The following RAD51B variants were observed in gnomAD, a reference collection of about 807,000 sequenced individuals.
The protein encoded by RAD51B is DNA repair protein RAD51 homolog 2.
RAD51B carries 38 observed loss-of-function variants against 42.2 expected under a neutral mutation model. The ratio of observed to expected loss-of-function variants is 0.90; its 90% CI spans 0.70 to 1.18. RAD51B has a LOEUF of 1.18. RAD51B is among the 50% of genes most tolerant of loss of function. The pLI is 0.00. For synonymous variants in RAD51B, 154 were observed against 145.2 expected, an observed-to-expected ratio of 1.06 and a Z score of -0.43; for missense variants, 373 against 400.7, an observed-to-expected ratio of 0.93 and a Z score of 0.59.
intron 8 of RAD51B, among the ~76,000 whole-genome samples, chr14:68,353,316 T>G (rs571810897): frequency 6.6e-6 from 1 of 152,334 alleles, no homozygotes; most frequent in South Asian, 2.1e-4. Flanking sequence ...AATAGTGGAT[T>G]TACAAAAGAC....
intron 8 of RAD51B, among the ~76,000 whole-genome samples, chr14:68,300,789 C>T (rs1294374148): frequency 1.3e-5 from 2 of 152,148 alleles, no homozygotes; most frequent in Non-Finnish European, 2.9e-5. Flanking sequence ...GTATAAGTTA[C>T]CTCATATTCA....
At chr14:68,562,956 T>C in intron 10 of RAD51B, 1 of 985,332 alleles carries the variant, frequency 1.0e-6, no homozygotes, top group Non-Finnish European at 1.2e-6. Flanking sequence ...AAGGAAGCAA[T>C]AGTGTGCTCC....
At chr14:68,271,733 G>C (rs563157949) in intron 7 of RAD51B, among the ~76,000 whole-genome samples, 1 of 152,306 alleles carries the variant, frequency 6.6e-6, no homozygotes, top group African/African-American at 2.4e-5. Flanking sequence ...TAATCTCTGC[G>C]TAGTGCTTAG....
At chr14:68,164,287 C>T (rs1023776102) in intron 7 of RAD51B, among the ~76,000 whole-genome samples, 6 of 152,108 alleles carry the variant, frequency 3.9e-5, no homozygotes, top group Admixed American at 3.9e-4. Flanking sequence ...AGACTATCAC[C>T]TGGTAATGAA....
chr14:68,040,043 G>C (rs1374103605), intron 7 of RAD51B, among the ~76,000 whole-genome samples: 2 of 152,184 alleles, frequency 1.3e-5, no homozygotes, highest in Non-Finnish European at 2.9e-5. Flanking sequence ...GGGGGAAAAT[G>C]GCTGTATTCA....
chr14:68,658,773 T>C (rs1413587345), intron 11 of RAD51B, among the ~76,000 whole-genome samples: 1 of 152,236 alleles, frequency 6.6e-6, no homozygotes, highest in East Asian at 1.9e-4. Flanking sequence ...ATTAAGTGCC[T>C]GATTTTGTGT....
At position 68,375,601 on chromosome 14, in the gene RAD51B, G is replaced by A. The variant is rs188095299; in HGVS notation, c.854-35823G>A. On this transcript the variant is annotated intron_variant, in intron 8 of 10. Transcript: ENST00000471583. ...CACAACTGTAACTAACTGATTATTT[G>A]TGTAACTGTTTGCATGTTTAGGCTG... 5.3e-5 allele frequency among the ~76,000 whole-genome samples: 8 copies of A among 152,006 alleles called. No homozygotes were observed. In the East Asian group the frequency reaches 1.5e-3, roughly 29 times the overall value.
chr14:67,821,663 T>C (rs2040632282), intron 1 of RAD51B, among the ~76,000 whole-genome samples: 1 of 152,116 alleles, frequency 6.6e-6, no homozygotes, highest in African/African-American at 2.4e-5. Context: ...GTTCTCTCTA[T>C]GTTGCCCAGG....
intron 7 of RAD51B, among the ~76,000 whole-genome samples, chr14:68,019,037 G>C (rs1426087577): frequency 6.6e-6 from 1 of 152,022 alleles, no homozygotes; most frequent in African/African-American, 2.4e-5. Context: ...TACATGGTTA[G>C]TTATTAGGCA....
intron 7 of RAD51B, among the ~76,000 whole-genome samples, chr14:68,179,281 T>C (rs986874027): frequency 6.6e-6 from 1 of 152,172 alleles, no homozygotes; most frequent in Non-Finnish European, 1.5e-5. Flanking sequence ...TGAGGCTCTG[T>C]TGTCTTTTCT....
Position 68,221,162 on chromosome 14 carries a change from C to G in RAD51B, c.757-70722C>G, listed in dbSNP as rs142278003. On this transcript the variant is annotated intron_variant, in intron 7 of 10. Transcript: ENST00000471583. ...ATTAAATGCAATTCCCATTAAAATA[C>G]CACCAACATTCTTCACAGAACTAGA... Among the ~76,000 whole-genome samples, 9 of 152,194 alleles carry G rather than the reference C, an allele frequency of 5.9e-5. No individual in the cohort carries two copies. The East Asian group carries it at 1.7e-3, about 29-fold the overall frequency.
At chr14:68,004,013 T>C (rs2140315966) in intron 7 of RAD51B, among the ~76,000 whole-genome samples, 1 of 152,276 alleles carries the variant, frequency 6.6e-6, no homozygotes, top group Non-Finnish European at 1.5e-5. Context: ...TTTGTAGTGT[T>C]AAATCATCCT....
At chr14:68,205,321 ATGAAT>A (rs898025350) in intron 7 of RAD51B, among the ~76,000 whole-genome samples, 5 of 152,220 alleles carry the variant, frequency 3.3e-5, no homozygotes, top group African/African-American at 1.2e-4. Context: ...TTTAGGAGTG[ATGAAT>A]TGTAGCAATA....
chr14:68,527,514 C>G (rs1009597362), intron 10 of RAD51B, among the ~76,000 whole-genome samples: 1 of 152,230 alleles, frequency 6.6e-6, no homozygotes, highest in African/African-American at 2.4e-5. Flanking sequence ...CCCTGGGTCT[C>G]AGAGAAGTAG....
At chr14:68,492,999 G>C (rs778339727) in intron 10 of RAD51B, among the ~76,000 whole-genome samples, 1 of 152,124 alleles carries the variant, frequency 6.6e-6, no homozygotes, top group South Asian at 2.1e-4. Context: ...CTGATCCTTT[G>C]AGAGAATGTA....
intron 9 of RAD51B, among the ~76,000 whole-genome samples, chr14:68,441,281 G>C (rs111795716): frequency 0.015 from 2,327 of 151,750 alleles, 62 homozygotes; most frequent in African/African-American, 0.053. Flanking sequence ...GGTGGCTCAC[G>C]CCTGTAATCC....
chr14:68,476,082 C>G (rs1242542702), intron 10 of RAD51B, among the ~76,000 whole-genome samples: 3 of 150,854 alleles, frequency 2.0e-5, no homozygotes, highest in Non-Finnish European at 4.4e-5. Flanking sequence ...TTTTAGTAGC[C>G]CAGAATCTAG....
chr14:68,246,640 A>T (rs891386847), intron 7 of RAD51B, among the ~76,000 whole-genome samples: 2 of 152,114 alleles, frequency 1.3e-5, no homozygotes, highest in African/African-American at 4.8e-5. Flanking sequence ...CCTCAGTGTG[A>T]CTTTGGTCTC....
intron 7 of RAD51B, among the ~76,000 whole-genome samples, chr14:68,264,919 T>C (rs750543501): frequency 1.3e-5 from 2 of 152,120 alleles, no homozygotes; most frequent in Non-Finnish European, 2.9e-5. Context: ...CAGAAAAACA[T>C]GGAATAGGGA....
Sources: gnomAD v4.1 joint callset for allele counts (sites outside exome capture counted in the v4.1 genomes callset) on GRCh38, gnomAD v4.1.1 for gene constraint, MANE v1.5 for transcripts, NCBI Gene and HGNC (gene_info 2026-07-23, HGNC 2026-07-21) for gene names.